APPBP2: variants seen among roughly 807,000 people sequenced by gnomAD.
APPBP2 encodes amyloid beta precursor protein binding protein 2, also known as amyloid protein-binding protein 2.
APPBP2 carries 15 observed loss-of-function variants against 76.0 expected under a neutral mutation model. The observed-to-expected ratio is 0.20, with a 90% CI of 0.13 to 0.30. APPBP2 has a LOEUF of 0.30. APPBP2 is among the 10% of genes least tolerant of loss of function. APPBP2 has a pLI of 1.00. For missense variants in APPBP2, 401 were observed against 687.2 expected, an observed-to-expected ratio of 0.58 and a Z score of 4.66; for synonymous variants, 222 against 242.2, an observed-to-expected ratio of 0.92 and a Z score of 0.77.
At chr17:60,451,154 C>T (rs1414000198) in intron 12 of APPBP2, among the ~76,000 whole-genome samples, 1 of 152,160 alleles carries the variant, frequency 6.6e-6, no homozygotes, top group Non-Finnish European at 1.5e-5. Context: ...CATTATTGTT[C>T]ACCAATAAAC....
intron 1 of APPBP2, among the ~76,000 whole-genome samples, chr17:60,509,088 A>G (rs1411068990): frequency 6.6e-6 from 1 of 152,196 alleles, no homozygotes; most frequent in Non-Finnish European, 1.5e-5. Flanking sequence ...CTATAAAAAT[A>G]TACACATTTG....
chr17:60,525,498 G>A (rs535973833), intron 1 of APPBP2, among the ~76,000 whole-genome samples: 2 of 152,184 alleles, frequency 1.3e-5, no homozygotes, highest in African/African-American at 4.8e-5. Flanking sequence ...GGTGGGACAG[G>A]GGCGCGATAG....
intron 1 of APPBP2, among the ~76,000 whole-genome samples, chr17:60,506,299 G>A (rs1202091990): frequency 6.6e-6 from 1 of 152,078 alleles, no homozygotes; most frequent in African/African-American, 2.4e-5. Flanking sequence ...TGGCCTTGAC[G>A]CCTGCCTATA....
At position 60,511,286 on chromosome 17, in the gene APPBP2, G is replaced by C. The variant is rs142065674; in HGVS notation, c.139-10799C>G. On this transcript the variant is annotated intron_variant, in intron 1 of 12. Coordinates refer to ENST00000083182, the MANE Select transcript of APPBP2 (RefSeq NM_006380.5). ...TGAGACAAAAGGATAGGGCAGTATA[G>C]CTATAAGAAAACACTTTCTGCCGGG... Among the ~76,000 whole-genome samples the C allele has an allele frequency of 3.6e-3, 555 of 152,214 alleles. 5 individuals are homozygous for C. The highest frequency in any genetic ancestry group is 0.021 in the South Asian group (102 of 4,822).
At chr17:60,454,604 G>T in intron 10 of APPBP2, 112 bp from the exon 11 acceptor site, 1 of 664,854 alleles carries the variant, frequency 1.5e-6, no homozygotes, top group Non-Finnish European at 2.3e-6. Context: ...ATTTATATGT[G>T]ATTATGGTTT....
rs532149178 is a variant in APPBP2 at position 60,525,942 on chromosome 17, T to TCCTCCTCCG, written c.-20_-12dup. On this transcript the variant is annotated 5_prime_UTR_variant, in exon 1 of 13. Coordinates refer to ENST00000083182, the MANE Select transcript of APPBP2 (RefSeq NM_006380.5). ...TTCCACGGCCGCCATCTTCCTTCCCTCCTCCTCCGCCTCCTCCGCCTCCTC... is the reference window on the plus strand; with the variant it reads ...TTCCACGGCCGCCATCTTCCTTCCCTCCTCCTCCGCCTCCTCCGCCTCCTCCGCCTCCTC... 2,399 of 1,590,444 alleles carry TCCTCCTCCG rather than the reference T, an allele frequency of 1.5e-3. 32 individuals carry two copies. The highest frequency in any genetic ancestry group is 4.3e-3 in the South Asian group (379 of 87,624).
intron 9 of APPBP2, among the ~76,000 whole-genome samples, chr17:60,458,007 G>A (rs1008782147): frequency 1.4e-5 from 2 of 147,236 alleles, no homozygotes; most frequent in African/African-American, 2.7e-5. Flanking sequence ...TTCTCTCTAC[G>A]GATTTGCCTA....
intron 4 of APPBP2, among the ~76,000 whole-genome samples, chr17:60,476,962 C>T (rs1363832303): frequency 6.6e-6 from 1 of 152,112 alleles, no homozygotes; most frequent in Non-Finnish European, 1.5e-5. Context: ...ATGTTTTGCT[C>T]CTCAGACTAT....
chr17:60,506,561 ACT>A lies in APPBP2; in HGVS notation c.139-6076_139-6075del, dbSNP rs371815988. Among the ~76,000 whole-genome samples, 1,020 of 152,210 alleles carry A rather than the reference ACT, an allele frequency of 6.7e-3. 10 individuals are homozygous for A. Among genetic ancestry groups the A allele is most frequent in the African/African-American group, 0.023 (957 of 41,534 alleles). Reference sequence around the variant, plus strand: ...GTCCTGTTAAACTTTCTCATGACACACTGTTTTTTTTACCTCCACAGTAGCAT... The same window carrying A: ...GTCCTGTTAAACTTTCTCATGACACAGTTTTTTTTACCTCCACAGTAGCAT... On this transcript the variant is annotated intron_variant, in intron 1 of 12. Transcript: ENST00000083182.
At chr17:60,458,877 A>G (rs1486787296) in intron 9 of APPBP2, among the ~76,000 whole-genome samples, 1 of 151,020 alleles carries the variant, frequency 6.6e-6, no homozygotes, top group Non-Finnish European at 1.5e-5. Context: ...GGTTCAAGCG[A>G]TTCTCCTGCC....
At chr17:60,478,407 C>A (rs1041749865) in intron 4 of APPBP2, among the ~76,000 whole-genome samples, 1 of 152,188 alleles carries the variant, frequency 6.6e-6, no homozygotes, top group Admixed American at 6.6e-5. Context: ...AATGTATACT[C>A]AAAGAAAAGT....
At chr17:60,478,701 C>T (rs1055695147) in intron 4 of APPBP2, among the ~76,000 whole-genome samples, 1 of 152,218 alleles carries the variant, frequency 6.6e-6, no homozygotes, top group Non-Finnish European at 1.5e-5. Flanking sequence ...GCAGGTGGAT[C>T]ACCTGAAGTC....
chr17:60,520,162 A>G (rs757118146), intron 1 of APPBP2, among the ~76,000 whole-genome samples: 16 of 152,208 alleles, frequency 1.1e-4, no homozygotes, highest in Non-Finnish European at 1.8e-4. Context: ...AAATATACAG[A>G]GAAAAAGAAA....
intron 1 of APPBP2, among the ~76,000 whole-genome samples, chr17:60,518,344 G>T (rs2090979176): frequency 6.8e-6 from 1 of 146,444 alleles, no homozygotes; most frequent in African/African-American, 2.6e-5. Flanking sequence ...ACCATGCCCA[G>T]CCGTGTGTGC....
At chr17:60,500,312 T>C in intron 2 of APPBP2, 87 bp downstream of exon 2, 1 of 931,598 alleles carries the variant, frequency 1.1e-6, no homozygotes, top group Non-Finnish European at 1.6e-6. Context: ...CAGCCCACAA[T>C]GTGAATATAC....
At chr17:60,525,678 G>C (rs1309359280) in intron 1 of APPBP2, 116 bp downstream of exon 1, 1 of 1,487,398 alleles carries the variant, frequency 6.7e-7, no homozygotes, top group African/African-American at 1.4e-5. Context: ...AGACGTTTCG[G>C]GAGGCAAGTC....
At chr17:60,475,963 C>T (rs967209347) in intron 4 of APPBP2, among the ~76,000 whole-genome samples, 6 of 152,014 alleles carry the variant, frequency 3.9e-5, no homozygotes, top group South Asian at 2.1e-4. Context: ...AAGGGGGTTG[C>T]GGGTGTGATT....
rs1031694990 is a variant in APPBP2, at chr17:60,484,099, G to A, written c.380-4828C>T. Among the ~76,000 whole-genome samples the A allele has an allele frequency of 3.9e-5, 6 of 152,090 alleles. 1 individual carries two copies. The highest frequency in any genetic ancestry group is 6.6e-5 in the Admixed American group (1 of 15,258). On this transcript the variant is annotated intron_variant, in intron 3 of 12. Transcript: ENST00000083182. ...GTTCCACTGGTCTATATCTGTTTTG[G>A]TACCAGTACCACGCTGTTTTGGTTA...
chr17:60,475,225 C>CA (rs1023532398), intron 4 of APPBP2, among the ~76,000 whole-genome samples: 8 of 150,812 alleles, frequency 5.3e-5, no homozygotes, highest in Non-Finnish European at 7.4e-5. Flanking sequence ...GACTCCATCT[C>CA]AAAAAAAACA....
Sources: gnomAD v4.1 joint callset for allele counts (sites outside exome capture counted in the v4.1 genomes callset) on GRCh38, gnomAD v4.1.1 for gene constraint, MANE v1.5 for transcripts, NCBI Gene and HGNC (gene_info 2026-07-23, HGNC 2026-07-21) for gene names.